SLC35F3: variants seen among roughly 807,000 people sequenced by gnomAD.
SLC35F3 encodes the protein putative thiamine transporter SLC35F3.
SLC35F3 carries 25 observed loss-of-function variants against 49.9 expected under a neutral mutation model. The ratio of observed to expected loss-of-function variants is 0.50; its 90% confidence interval spans 0.37 to 0.70. The LOEUF (loss-of-function observed/expected upper bound fraction) is 0.70. Ranked by LOEUF, SLC35F3 falls within the 30% of genes least tolerant of loss-of-function variation. SLC35F3 has a pLI of 0.00. For synonymous variants in SLC35F3, 275 were observed against 265.4 expected, an observed-to-expected ratio of 1.04 and a Z score of -0.35; for missense variants, 525 against 639.8, an observed-to-expected ratio of 0.82 and a Z score of 1.94.
intron 2 of SLC35F3, among the ~76,000 whole-genome samples, chr1:233,936,972 G>A (rs12737511): frequency 0.5 from 76,705 of 151,984 alleles, 21,173 homozygotes; most frequent in Non-Finnish European, 0.63. Flanking sequence ...GATTACAGGC[G>A]TGACCACTGC....
chr1:234,175,947 G>T (rs1666470734), intron 2 of SLC35F3, among the ~76,000 whole-genome samples: 1 of 152,124 alleles, frequency 6.6e-6, no homozygotes, highest in African/African-American at 2.4e-5. Flanking sequence ...TCTTTCTCCA[G>T]CCAAATCCTT....
In SLC35F3 at chr1:234,176,664, T is replaced by C. The variant is rs535691626; in HGVS notation, c.284-54753T>C. Among the ~76,000 whole-genome samples the C allele has an allele frequency of 5.2e-4, 79 of 152,182 alleles. 2 individuals carry two copies. In the South Asian group the frequency reaches 0.016, roughly 30 times the overall value. On this transcript the variant is annotated intron_variant, in intron 2 of 7. Transcript: ENST00000366618. ...GGAGCTGAGGGGGTAGCCTTCTGTC[T>C]GAAGCATTCTACTTCAGAACCACCA...
At chr1:233,978,997 T>C (rs1663136397) in intron 2 of SLC35F3, among the ~76,000 whole-genome samples, 1 of 151,062 alleles carries the variant, frequency 6.6e-6, no homozygotes, top group South Asian at 2.1e-4. Context: ...GATTCAGCCA[T>C]TGCACTCCAG....
rs35486350 is a variant in SLC35F3, at chr1:234,250,653, CA to C, written c.608+18931del. Among the ~76,000 whole-genome samples, 150 of 81,480 alleles carry C rather than the reference CA, an allele frequency of 1.8e-3. 1 individual carries two copies. Among genetic ancestry groups the C allele is most frequent in the Admixed American group, 0.011 (79 of 7,324 alleles). 53.5% of individuals were successfully genotyped at this position (81,480 alleles called of 152,430 possible). A position where few individuals can be genotyped will look rare whatever the true frequency, so the allele number is the denominator to read the frequency against. On this transcript the variant is annotated intron_variant, in intron 3 of 7. Coordinates refer to ENST00000366618, the MANE Select transcript of SLC35F3 (RefSeq NM_173508.4). ...TGGGCGACAGAGCGAGACTCCGTCT[CA>C]AAAAAAAAAAAAAAAAAAGAAGTTC...
chr1:234,249,799 TCAGA>T (rs1199855731), intron 3 of SLC35F3, among the ~76,000 whole-genome samples: 1 of 152,222 alleles, frequency 6.6e-6, no homozygotes, highest in Non-Finnish European at 1.5e-5. Context: ...GCATAATAAC[TCAGA>T]CAGACCTCTG....
At chr1:233,917,186 G>A (rs1379390475) in intron 2 of SLC35F3, among the ~76,000 whole-genome samples, 6 of 152,110 alleles carry the variant, frequency 3.9e-5, no homozygotes, top group Admixed American at 6.6e-5. Flanking sequence ...CACAGGTCCC[G>A]TAAATGTCTC....
At chr1:234,104,638 G>A (rs1558230412) in intron 2 of SLC35F3, among the ~76,000 whole-genome samples, 1 of 152,218 alleles carries the variant, frequency 6.6e-6, no homozygotes, top group Non-Finnish European at 1.5e-5. Flanking sequence ...TAAAGATATA[G>A]TTGTACCAAG....
intron 2 of SLC35F3, among the ~76,000 whole-genome samples, chr1:234,219,090 T>C (rs1450205121): frequency 7.1e-6 from 1 of 141,078 alleles, no homozygotes; most frequent in African/African-American, 2.6e-5. Context: ...CCCACTGTAA[T>C]ATAACTAATA....
chr1:234,141,045 T>C (rs942912737), intron 2 of SLC35F3, among the ~76,000 whole-genome samples: 1 of 152,302 alleles, frequency 6.6e-6, no homozygotes, highest in South Asian at 2.1e-4. Context: ...AATCTAATTA[T>C]GGAGCGACCA....
intron 2 of SLC35F3, among the ~76,000 whole-genome samples, chr1:233,935,189 CT>C (rs35418747): frequency 1.4e-3 from 68 of 50,304 alleles, no homozygotes; most frequent in African/African-American, 5.2e-3. Flanking sequence ...TTTCCTTGCC[CT>C]TTTTTTTTTT....
At chr1:233,906,798 C>T (rs770921665) in intron 2 of SLC35F3, among the ~76,000 whole-genome samples, 57 of 152,202 alleles carry the variant, frequency 3.7e-4, no homozygotes, top group Non-Finnish European at 1.8e-4. Context: ...CTAAAACCTG[C>T]GAGTCCAAGG....
intron 2 of SLC35F3, among the ~76,000 whole-genome samples, chr1:234,145,920 G>A (rs1485796644): frequency 6.6e-6 from 1 of 151,926 alleles, no homozygotes; most frequent in East Asian, 1.9e-4. Context: ...ATTGTATCTT[G>A]TCACCTATTA....
chr1:234,056,842 T>A (rs761716485), intron 2 of SLC35F3, among the ~76,000 whole-genome samples: 4 of 152,214 alleles, frequency 2.6e-5, no homozygotes, highest in Non-Finnish European at 4.4e-5. Flanking sequence ...TTTTTGTGTA[T>A]GATGTGAGAA....
intron 2 of SLC35F3, among the ~76,000 whole-genome samples, chr1:234,108,463 TA>T (rs1665328534): frequency 1.1e-5 from 1 of 91,642 alleles, no homozygotes. Context: ...ATTATTTATA[TA>T]TATAAAAGAT....
At position 234,214,481 on chromosome 1, in the gene SLC35F3, G is replaced by T; in HGVS notation, c.284-16936G>T. 6.6e-7 allele frequency: 1 copy of T among 1,523,104 alleles called. No homozygotes were observed. 94.3% of individuals were successfully genotyped at this position (1,523,104 alleles called of 1,614,324 possible). ...GTAGGCGATCGGCGGCAGCGCTCCT[G>T]CAGGCGGCCGGCTCATCATGAAGAA... On this transcript the variant is annotated intron_variant, in intron 2 of 7. Transcript: ENST00000366618. The surrounding 1 kb of genome is among the most constrained non-coding windows in gnomAD (Gnocchi z 8.0).
intron 2 of SLC35F3, among the ~76,000 whole-genome samples, chr1:234,006,245 CA>C (rs1377993399): frequency 6.6e-6 from 1 of 152,142 alleles, no homozygotes; most frequent in Non-Finnish European, 1.5e-5. Context: ...TTCATATTTG[CA>C]GTGAACCAGG....
At position 233,905,129 on chromosome 1, in the gene SLC35F3, G is replaced by C; in HGVS notation, c.52G>C (p.Val18Leu). 1 of 1,556,684 alleles carries C rather than the reference G, an allele frequency of 6.4e-7. No homozygotes were observed. The highest frequency in any genetic ancestry group is 8.7e-7 in the Non-Finnish European group (1 of 1,149,262). ...CGCACCCAGGGGCAAGAGCATTGCC[G>C]TGTGAGTAGCGCCCCGGGCGTGGGT... ...SGAPRGKSIA[V>L]GMRRSPDVSP... Residue 18 changes from valine (V) to leucine (L), a missense_variant and splice_region_variant, in exon 1 of 8, where the codon GTT becomes CTT. By Grantham distance (32) the Val-to-Leu change is conservative. Around this residue, in one of 4 missense-constraint regions of SLC35F3, gnomAD observed 228 missense variants for 218.9 expected, o/e 1.04. Coordinates refer to ENST00000366618, the MANE Select transcript of SLC35F3 (RefSeq NM_173508.4).
chr1:233,909,345 A>G (rs1661831630), intron 2 of SLC35F3, among the ~76,000 whole-genome samples: 1 of 152,172 alleles, frequency 6.6e-6, no homozygotes, highest in Admixed American at 6.5e-5. Flanking sequence ...TATTCCTGGG[A>G]ATTCTTCAAA....
intron 2 of SLC35F3, among the ~76,000 whole-genome samples, chr1:234,140,783 A>G (rs1175783496): frequency 1.3e-5 from 2 of 152,164 alleles, no homozygotes; most frequent in Admixed American, 1.3e-4. Flanking sequence ...CTCCTTGCTC[A>G]TTTAAAAAAT....
Sources: allele counts gnomAD v4.1 joint callset (sites outside exome capture counted in the v4.1 genomes callset), GRCh38; gene constraint gnomAD v4.1.1; regional missense constraint gnomAD v4.1.1; non-coding constraint Gnocchi (gnomAD v3.1); transcripts MANE v1.5; gene names NCBI Gene and HGNC (gene_info 2026-07-23, HGNC 2026-07-21).